Variants in TRIO observed in about 807,000 individuals in gnomAD.
TRIO encodes trio Rho guanine nucleotide exchange factor.
TRIO carries 58 observed loss-of-function variants against 351.9 expected under a neutral mutation model. That is an observed-to-expected ratio of 0.16 (90% CI 0.13 to 0.21). TRIO has a LOEUF of 0.21. TRIO is among the 10% of genes least tolerant of loss of function. The pLI, the probability that TRIO is intolerant of heterozygous loss-of-function variation, is 1.00. For synonymous variants in TRIO, 1,758 were observed against 1,595.7 expected (o/e 1.10, Z -2.42); for missense variants, 3,201 against 4,027.8 (o/e 0.79, Z 5.56).
At chr5:14,162,251 C>G (rs1228072212) in intron 1 of TRIO, among the ~76,000 whole-genome samples, 1 of 152,152 alleles carries the variant, frequency 6.6e-6, no homozygotes, top group African/African-American at 2.4e-5. Context: ...GAGCTTCCTG[C>G]TCTGTGAACA....
chr5:14,385,388 GTT>G (rs1392734385), intron 21 of TRIO, among the ~76,000 whole-genome samples: 1 of 152,222 alleles, frequency 6.6e-6, no homozygotes, highest in East Asian at 1.9e-4. Flanking sequence ...CATCCACACA[GTT>G]CACATCCATA....
chr5:14,289,426 C>T (rs547948745), intron 4 of TRIO, among the ~76,000 whole-genome samples: 3 of 152,148 alleles, frequency 2.0e-5, no homozygotes, highest in South Asian at 4.1e-4. Flanking sequence ...TGGTGGCACA[C>T]GTGTAATTCC....
chr5:14,169,197 CTTTT>C (rs3994005), intron 1 of TRIO, among the ~76,000 whole-genome samples: 15 of 140,404 alleles, frequency 1.1e-4, no homozygotes, highest in African/African-American at 3.1e-4. Context: ...ATAAAACTGC[CTTTT>C]TTTTTTTTTT....
intron 11 of TRIO, among the ~76,000 whole-genome samples, chr5:14,355,561 C>T (rs985216887): frequency 4.6e-5 from 7 of 152,298 alleles, no homozygotes; most frequent in Admixed American, 1.3e-4. Context: ...AAATCCAGAT[C>T]GCCTTACTCT....
At position 14,283,342 on chromosome 5, in the gene TRIO, A is replaced by G. The variant is rs190595864; in HGVS notation, c.347+2906A>G. ...CCCTTCGGCCATTCCTCAGTTAGAC[A>G]GTCACAGGGCTGGTGTCATATGTGA... On this transcript the variant is annotated intron_variant, in intron 3 of 56. Coordinates refer to ENST00000344204, the MANE Select transcript of TRIO (RefSeq NM_007118.4). 1.6e-3 allele frequency among the ~76,000 whole-genome samples: 237 copies of G among 152,314 alleles called. 3 individuals carry two copies. The highest frequency in any genetic ancestry group is 5.2e-3 in the African/African-American group (216 of 41,578).
At chr5:14,492,452 G>T (rs1176745050) in intron 48 of TRIO, 115 bp from the exon 49 acceptor site, 3 of 1,427,212 alleles carry the variant, frequency 2.1e-6, no homozygotes, top group Non-Finnish European at 2.9e-6. Flanking sequence ...TGCTTGCCTG[G>T]TGAGCCCTGC....
At chr5:14,479,561 G>T (rs1755360312) in intron 42 of TRIO, among the ~76,000 whole-genome samples, 3 of 152,108 alleles carry the variant, frequency 2.0e-5, no homozygotes, top group South Asian at 4.1e-4. Flanking sequence ...TCAGAAGACT[G>T]CAGTCATTGT....
At chr5:14,406,114 C>A in intron 32 of TRIO, 124 bp downstream of exon 32, 2 of 1,337,198 alleles carry the variant, frequency 1.5e-6, no homozygotes, top group Non-Finnish European at 2.0e-6. Context: ...TTTAAACTGC[C>A]ATTTGTGGAT....
At chr5:14,314,006 T>C (rs1739158001) in intron 8 of TRIO, among the ~76,000 whole-genome samples, 1 of 152,220 alleles carries the variant, frequency 6.6e-6, no homozygotes, top group Admixed American at 6.5e-5. Flanking sequence ...TTCTGGCACA[T>C]GTTCACCAAA....
chr5:14,364,182 A>ATC (rs1267152383), intron 14 of TRIO, among the ~76,000 whole-genome samples: 1 of 152,218 alleles, frequency 6.6e-6, no homozygotes, highest in East Asian at 1.9e-4. Flanking sequence ...GATATGTTGT[A>ATC]TCTCTGTAAA....
rs1409576559 is a variant in TRIO, at chr5:14,369,490, C to T, written c.3183C>T (p.Ser1061=). The stretch of plus-strand genomic sequence containing the variant: ...CGGACCACGTGACGCCCATGATCAG[C>T]AAGCACCTGGAGCAGAAGGAGGCAT... ...SETDHVTPMI[S]KHLEQKEAFL... is the part of the protein sequence containing the mutation. The change falls in exon 18 of 57, where the codon AGC becomes AGT. Residue 1061 remains serine, a synonymous_variant. Coordinates refer to ENST00000344204, the MANE Select transcript of TRIO (RefSeq NM_007118.4). The T allele has an allele frequency of 6.2e-7, 1 of 1,614,058 alleles. No homozygotes were observed. Among genetic ancestry groups the T allele is most frequent in the South Asian group, 1.1e-5 (1 of 91,064 alleles).
chr5:14,294,908 A>T (rs1367084273), intron 6 of TRIO, among the ~76,000 whole-genome samples: 1 of 152,196 alleles, frequency 6.6e-6, no homozygotes, highest in Non-Finnish European at 1.5e-5. Context: ...TAAAAGTATG[A>T]GTTACAGCTA....
chr5:14,504,765 A>G (rs866605731), intron 55 of TRIO, 172 bp downstream of exon 55: 1 of 791,996 alleles, frequency 1.3e-6, no homozygotes, highest in Non-Finnish European at 2.0e-6. Flanking sequence ...CAGTAATGGC[A>G]GAAAGCAGTG....
At position 14,488,184 on chromosome 5, in the gene TRIO, C is replaced by T. The variant is rs756285607; in HGVS notation, c.7556C>T (p.Pro2519Leu). The change falls in exon 48 of 57, where the codon CCT becomes CTT. Residue 2519 changes from proline to leucine, a missense_variant. Coordinates refer to ENST00000344204, the MANE Select transcript of TRIO (RefSeq NM_007118.4). ...LQRQTPRHAA[P>L]GKDTDRMSTC... ...CGGCAGACACCCCGCCACGCGGCCC[C>T]TGGCAAGGATACTGACCGCATGAGC... is the stretch of plus-strand genomic sequence containing the variant. 5.6e-6 allele frequency: 9 copies of T among 1,600,350 alleles called. No individual in the cohort carries two copies. The East Asian group carries it at 6.7e-5, about 12-fold the overall frequency.
At chr5:14,417,781 G>A (rs760885065) in intron 33 of TRIO, among the ~76,000 whole-genome samples, 2 of 152,164 alleles carry the variant, frequency 1.3e-5, no homozygotes, top group Non-Finnish European at 2.9e-5. Flanking sequence ...CTTCGTTTTG[G>A]GTTTTCAAAT....
rs1314521097 is a variant in TRIO, at chr5:14,496,927, G to A, written c.7929G>A (p.Glu2643=). 7.4e-6 allele frequency: 12 copies of A among 1,614,018 alleles called. No homozygotes were observed. Among genetic ancestry groups the A allele is most frequent in the East Asian group, 2.2e-5 (1 of 44,880 alleles). The change falls in exon 50 of 57, where the codon GAG becomes GAA. Residue 2643 remains glutamate, a synonymous_variant. Transcript: ENST00000344204. ...CACTCCGTTTAAGGAAAAAATCTGA[G>A]AAAAAAGATAAAGACGGCAAAAGGG... is the stretch of plus-strand genomic sequence containing the variant. ...HTALRLRKKS[E]KKDKDGKREG... is the part of the protein sequence containing the mutation.
chr5:14,249,094 CT>C (rs1794600895), intron 1 of TRIO, among the ~76,000 whole-genome samples: 1 of 152,206 alleles, frequency 6.6e-6, no homozygotes, highest in African/African-American at 2.4e-5. Flanking sequence ...CAGTGCTAAC[CT>C]TGGCTGGAGG....
At chr5:14,332,818 C>T (rs1338089801) in intron 10 of TRIO, among the ~76,000 whole-genome samples, 2 of 152,192 alleles carry the variant, frequency 1.3e-5, no homozygotes, top group South Asian at 2.1e-4. Flanking sequence ...TTCACCGAGT[C>T]GCTGTGATGA....
At chr5:14,498,781 G>C (rs756143083) in intron 53 of TRIO, 141 bp downstream of exon 53, 50 of 1,315,958 alleles carry the variant, frequency 3.8e-5, no homozygotes, top group Non-Finnish European at 3.1e-6. Flanking sequence ...TCAAAAGACA[G>C]TTGTAAGTAG....
Sources: allele counts gnomAD v4.1 joint callset (sites outside exome capture counted in the v4.1 genomes callset), GRCh38; gene constraint gnomAD v4.1.1; transcripts MANE v1.5; gene names NCBI Gene and HGNC (gene_info 2026-07-23, HGNC 2026-07-21).